Variants in ANK3 observed in about 807,000 individuals in gnomAD.
The protein encoded by ANK3 is ankyrin-3.
In ANK3, 57 loss-of-function variants were observed where a neutral mutation model predicts 370.9. The ratio of observed to expected loss-of-function variants is 0.15; its 90% CI spans 0.12 to 0.19. The LOEUF (loss-of-function observed/expected upper bound fraction) is 0.19, where lower values mean the gene tolerates loss of function less well. Ranked by LOEUF, ANK3 falls within the 10% of genes least tolerant of loss-of-function variation. The probability of loss-of-function intolerance (pLI) is 1.00; values close to 1 mark genes in which losing one functional copy is unlikely to be tolerated. For missense variants in ANK3, 4,439 were observed against 5,302.1 expected, an observed-to-expected ratio of 0.84 and a Z score of 5.06; for synonymous variants, 1,929 against 1,946.3, an observed-to-expected ratio of 0.99 and a Z score of 0.23.
rs77606637 is a variant in ANK3 at position 60,261,421 on chromosome 10, A to G, written c.798+438T>C. Among the ~76,000 whole-genome samples the G allele has an allele frequency of 3.7e-3, 556 of 152,290 alleles. 5 individuals carry two copies. Among genetic ancestry groups the G allele is most frequent in the African/African-American group, 0.013 (543 of 41,558 alleles). ...AGGGGACAGAAGATAAAGGCAAAAG[A>G]TGGTCTCATTATTTGGATTCTGTAG... On this transcript the variant is annotated intron_variant, in intron 7 of 43. Coordinates refer to ENST00000280772, the MANE Select transcript of ANK3 (RefSeq NM_020987.5).
intron 38 of ANK3, among the ~76,000 whole-genome samples, chr10:60,064,608 G>A (rs542511746): frequency 6.6e-6 from 1 of 152,090 alleles, no homozygotes; most frequent in East Asian, 1.9e-4. Flanking sequence ...CAGGTGGATT[G>A]CTTGCACCCA....
intron 1 of ANK3, among the ~76,000 whole-genome samples, chr10:60,304,132 T>C (rs568520586): frequency 6.6e-6 from 1 of 152,108 alleles, no homozygotes; most frequent in South Asian, 2.1e-4. Context: ...GGTCAAGGGG[T>C]ACAAAGTTTC....
At chr10:60,066,710 T>C (rs1419413592) in intron 38 of ANK3, among the ~76,000 whole-genome samples, 1 of 152,152 alleles carries the variant, frequency 6.6e-6, no homozygotes, top group East Asian at 1.9e-4. Flanking sequence ...CTGTATGGAA[T>C]GTATGTTGCT....
At chr10:60,482,037 T>C (rs1162544398) in intron 2 of ANK3, among the ~76,000 whole-genome samples, 1 of 152,210 alleles carries the variant, frequency 6.6e-6, no homozygotes, top group Non-Finnish European at 1.5e-5. Flanking sequence ...TTCCTGGCAC[T>C]GCTCTCCTTT....
At position 60,088,226 on chromosome 10, in the gene ANK3, A is replaced by T; in HGVS notation, c.3461T>A (p.Leu1154Gln). 6.2e-7 allele frequency: 1 copy of T among 1,614,226 alleles called. No homozygotes were observed. Among genetic ancestry groups the T allele is most frequent in the South Asian group, 1.1e-5 (1 of 91,082 alleles). ...SNQIGPEGGI[L>Q]SSTTVPLVQA... is the part of the protein sequence containing the mutation. ...AACAAGGGGCACTGTGGTGCTGCTC[A>T]GAATTCCACCTTCAGGACCAATCTG... Residue 1154 changes from leucine to glutamine, a missense_variant, in exon 29 of 44, where the codon CTG becomes CAG. This residue lies in a region of ANK3 where 702 missense variants were observed against 941.5 expected (regional missense o/e 0.75). Transcript: ENST00000280772.
chr10:60,417,003 G>A (rs992765806), intron 2 of ANK3, among the ~76,000 whole-genome samples: 2 of 152,140 alleles, frequency 1.3e-5, no homozygotes, highest in Non-Finnish European at 2.9e-5. Flanking sequence ...TGAGTCTAAA[G>A]GGAAGAAGAT....
chr10:60,475,779 C>CA (rs1440990772), intron 2 of ANK3, among the ~76,000 whole-genome samples: 4 of 152,130 alleles, frequency 2.6e-5, no homozygotes, highest in Non-Finnish European at 4.4e-5. Context: ...GGCCATATCC[C>CA]ACCAGCCTGT....
At chr10:60,221,468 C>G (rs2097056706) in intron 8 of ANK3, among the ~76,000 whole-genome samples, 3 of 152,174 alleles carry the variant, frequency 2.0e-5, no homozygotes, top group Admixed American at 1.3e-4. Flanking sequence ...TAACGAACCT[C>G]TGGGTACCTA....
chr10:60,366,200 T>G (rs968978690), intron 1 of ANK3, among the ~76,000 whole-genome samples: 1 of 151,684 alleles, frequency 6.6e-6, no homozygotes, highest in African/African-American at 2.4e-5. Flanking sequence ...TAGCCAGGCT[T>G]GGTGGCACGC....
chr10:60,094,892 C>T (rs2089759940), intron 28 of ANK3, among the ~76,000 whole-genome samples: 1 of 152,182 alleles, frequency 6.6e-6, no homozygotes, highest in African/African-American at 2.4e-5. Context: ...ACACATTCAA[C>T]TCAAACCTGT....
At chr10:60,606,962 C>T (rs890665510) in intron 2 of ANK3, among the ~76,000 whole-genome samples, 2 of 152,162 alleles carry the variant, frequency 1.3e-5, no homozygotes, top group Non-Finnish European at 2.9e-5. Flanking sequence ...ACCCAACAAG[C>T]TGTTGCATAT....
At chr10:60,245,217 G>C (rs1288877688) in intron 7 of ANK3, among the ~76,000 whole-genome samples, 1 of 151,990 alleles carries the variant, frequency 6.6e-6, no homozygotes, top group African/African-American at 2.4e-5. Context: ...TTGATACAAT[G>C]TAGAAAATTA....
intron 28 of ANK3, among the ~76,000 whole-genome samples, chr10:60,102,807 AGCACATAGAATTCATCTATGGAGAAG>A (rs1210429069): frequency 6.6e-6 from 1 of 152,240 alleles, no homozygotes; most frequent in African/African-American, 2.4e-5. Flanking sequence ...GTTATAAAGT[AGCACATAGAATTCATCTATGGAGAAG>A]GGGGTTGAAA....
intron 28 of ANK3, among the ~76,000 whole-genome samples, chr10:60,091,476 AC>A (rs2088387856): frequency 6.6e-6 from 1 of 151,696 alleles, no homozygotes; most frequent in African/African-American, 2.4e-5. Flanking sequence ...ACATCACTAA[AC>A]AAATATGAAG....
intron 28 of ANK3, among the ~76,000 whole-genome samples, chr10:60,089,015 A>G (rs772158540): frequency 6.6e-6 from 1 of 152,198 alleles, no homozygotes; most frequent in Non-Finnish European, 1.5e-5. Context: ...AAAGAAAAAA[A>G]AGTGAGGCCT....
At chr10:60,100,236 T>TTTTTTTTTG (rs2090988066) in intron 28 of ANK3, among the ~76,000 whole-genome samples, 3 of 135,672 alleles carry the variant, frequency 2.2e-5, no homozygotes, top group African/African-American at 8.8e-5. Flanking sequence ...TTGCTATGGT[T>TTTTTTTTTG]TTTTTTTTTT....
intron 1 of ANK3, among the ~76,000 whole-genome samples, chr10:60,381,866 T>C (rs2061594955): frequency 6.6e-6 from 1 of 152,182 alleles, no homozygotes; most frequent in Non-Finnish European, 1.5e-5. Flanking sequence ...AGCTTCTCTG[T>C]GAACTCACAT....
At chr10:60,371,779 C>T (rs2060137055) in intron 1 of ANK3, among the ~76,000 whole-genome samples, 1 of 152,072 alleles carries the variant, frequency 6.6e-6, no homozygotes, top group South Asian at 2.1e-4. Flanking sequence ...TAACTTGTTC[C>T]TTTCTGGTAT....
At chr10:60,648,964 T>C (rs1195074451) in intron 1 of ANK3, among the ~76,000 whole-genome samples, 1 of 151,912 alleles carries the variant, frequency 6.6e-6, no homozygotes, top group Non-Finnish European at 1.5e-5. Flanking sequence ...GCAGGGTGAG[T>C]GTACCTTATG....
Sources: allele counts gnomAD v4.1 joint callset (sites outside exome capture counted in the v4.1 genomes callset), GRCh38; gene constraint gnomAD v4.1.1; regional missense constraint gnomAD v4.1.1; transcripts MANE v1.5; gene names NCBI Gene and HGNC (gene_info 2026-07-23, HGNC 2026-07-21).